The following SHROOM4 variants were observed in gnomAD, a reference collection of about 807,000 sequenced individuals.
SHROOM4 encodes the protein protein Shroom4.
In SHROOM4, 17 loss-of-function variants were observed where a neutral mutation model predicts 80.3. The observed-to-expected ratio is 0.21, with a 90% CI of 0.14 to 0.32. SHROOM4 has a LOEUF of 0.32. Ranked by LOEUF, SHROOM4 falls within the 10% of genes least tolerant of loss-of-function variation. The pLI is 1.00. For synonymous variants in SHROOM4, 400 were observed against 437.5 expected (o/e 0.91, Z 1.07); for missense variants, 993 against 1,140.3 (o/e 0.87, Z 1.86).
chrX:50,615,101 TG>T (rs1930177919), intron 5 of SHROOM4, among the ~76,000 whole-genome samples: 4 of 41,177 alleles, frequency 9.7e-5, no homozygotes, highest in African/African-American at 5.9e-4. Context: ...TCTCTTATTG[TG>T]TGTGTGTGTG....
In SHROOM4 at chrX:50,814,175, G is replaced by A. The variant is rs990313951; in HGVS notation, c.-157C>T. On this transcript the variant is annotated 5_prime_UTR_variant, in exon 1 of 9. Coordinates refer to ENST00000376020, the MANE Select transcript of SHROOM4 (RefSeq NM_020717.5). Reference sequence around the variant, plus strand: ...GGCTGGAGACGCTCAGGCAGCGAGCGAGCGCAAGGAGGAAATGACACGGAG... The same window carrying A: ...GGCTGGAGACGCTCAGGCAGCGAGCAAGCGCAAGGAGGAAATGACACGGAG... The A allele has an allele frequency of 4.3e-6, 2 of 459,943 alleles. No homozygotes were observed. Among genetic ancestry groups the A allele is most frequent in the African/African-American group, 4.9e-5 (2 of 40,857 alleles). The allele number at this position is 459,943 out of a possible 1,213,427, so 37.9% of individuals were successfully genotyped here.
Position 50,590,309 on chromosome X carries a change from C to T in SHROOM4, c.*6386G>A, listed in dbSNP as rs1346996281. ...TCACCCAGGCTGGAGTGCAGTGGCT[C>T]AATCTCTGCTCACTGCAAGCTCCGC... On this transcript the variant is annotated 3_prime_UTR_variant, in exon 9 of 9. Coordinates refer to ENST00000376020, the MANE Select transcript of SHROOM4 (RefSeq NM_020717.5). 1.8e-5 allele frequency among the ~76,000 whole-genome samples: 2 copies of T among 110,716 alleles called. No homozygotes were observed. The highest frequency in any genetic ancestry group is 3.8e-5 in the Non-Finnish European group (2 of 52,869).
At chrX:50,786,021 T>C (rs1935731991) in intron 1 of SHROOM4, among the ~76,000 whole-genome samples, 1 of 111,450 alleles carries the variant, frequency 9.0e-6, no homozygotes, top group Non-Finnish European at 1.9e-5. Context: ...AAATTCCCTT[T>C]TTGAAAAATC....
intron 1 of SHROOM4, among the ~76,000 whole-genome samples, chrX:50,708,120 A>G (rs1224383829): frequency 8.9e-6 from 1 of 112,343 alleles, no homozygotes; most frequent in Non-Finnish European, 1.9e-5. Context: ...GATTCCTGGC[A>G]TCACTTTAGC....
intron 1 of SHROOM4, among the ~76,000 whole-genome samples, chrX:50,705,440 G>A (rs1392848173): frequency 9.0e-6 from 1 of 111,488 alleles, no homozygotes; most frequent in Non-Finnish European, 1.9e-5. Flanking sequence ...CAATGTGAAC[G>A]CCATTCTCTC....
chrX:50,722,507 A>G (rs782602865), intron 1 of SHROOM4, among the ~76,000 whole-genome samples: 56 of 111,221 alleles, frequency 5.0e-4, no homozygotes, highest in Non-Finnish European at 8.9e-4. Flanking sequence ...CAAGGAAATT[A>G]AAGCATTAAA....
At chrX:50,625,916 CT>C (rs1276449442) in intron 5 of SHROOM4, among the ~76,000 whole-genome samples, 1 of 112,467 alleles carries the variant, frequency 8.9e-6, no homozygotes, top group African/African-American at 3.2e-5. Flanking sequence ...TCTGCTGCTG[CT>C]GTTCTTCTTC....
At chrX:50,693,527 C>T (rs1557262769) in intron 2 of SHROOM4, among the ~76,000 whole-genome samples, 1 of 105,357 alleles carries the variant, frequency 9.5e-6, no homozygotes, top group Non-Finnish European at 1.9e-5. Context: ...GATCATGCCA[C>T]TGCACTCCAG....
rs782020046 is a variant in SHROOM4, at chrX:50,609,274, A to G, written c.2958-1090T>C. Among the ~76,000 whole-genome samples the G allele has an allele frequency of 1.8e-4, 20 of 110,940 alleles. 1 individual carries two copies. The South Asian group carries it at 7.3e-3, about 41-fold the overall frequency. On this transcript the variant is annotated intron_variant, in intron 5 of 8. Coordinates refer to ENST00000376020, the MANE Select transcript of SHROOM4 (RefSeq NM_020717.5). ...AAGACCTTGTCTCAAAAAAAAAAAT[A>G]TCCTAATGCAATTCCAATCAGAATT...
intron 1 of SHROOM4, among the ~76,000 whole-genome samples, chrX:50,742,709 A>ACATGACTT (rs199813371): frequency 0.053 from 5,798 of 109,593 alleles, 478 homozygotes; most frequent in African/African-American, 0.19. Flanking sequence ...CACACTACCA[A>ACATGACTT]CATGACTTAT....
downstream of SHROOM4, among the ~76,000 whole-genome samples, chrX:50,583,226 G>A (rs1357326225): frequency 9.1e-6 from 1 of 110,482 alleles, no homozygotes; most frequent in Non-Finnish European, 1.9e-5. Flanking sequence ...AATGGTTTTG[G>A]TAGACTGTAT....
intron 5 of SHROOM4, among the ~76,000 whole-genome samples, chrX:50,619,717 A>T (rs895706209): frequency 9.8e-5 from 11 of 112,083 alleles, no homozygotes; most frequent in African/African-American, 3.6e-4. Context: ...AGTAATACAT[A>T]CATATGCAGT....
intron 1 of SHROOM4, among the ~76,000 whole-genome samples, chrX:50,698,542 G>C (rs1264367576): frequency 2.7e-5 from 3 of 111,276 alleles, no homozygotes; most frequent in African/African-American, 9.8e-5. Flanking sequence ...CTATATCCCA[G>C]ACTAGCCCTT....
intron 2 of SHROOM4, among the ~76,000 whole-genome samples, chrX:50,656,324 T>C (rs1340658347): frequency 8.9e-6 from 1 of 112,357 alleles, no homozygotes; most frequent in African/African-American, 3.2e-5. Context: ...AAAAAATCTT[T>C]GCCAAAGCCA....
chrX:50,714,333 A>G (rs1023369945), intron 1 of SHROOM4, among the ~76,000 whole-genome samples: 4 of 112,110 alleles, frequency 3.6e-5, no homozygotes, highest in African/African-American at 1.3e-4. Flanking sequence ...AAACTTTAGG[A>G]TTATTTTTTC....
intron 1 of SHROOM4, among the ~76,000 whole-genome samples, chrX:50,734,539 G>A (rs966307330): frequency 9.0e-6 from 1 of 110,563 alleles, no homozygotes; most frequent in Non-Finnish European, 1.9e-5. Flanking sequence ...TCAGCCTCCC[G>A]AGTAGCTGGG....
intron 1 of SHROOM4, among the ~76,000 whole-genome samples, chrX:50,697,897 G>A (rs972690081): frequency 1.3e-4 from 15 of 112,140 alleles, no homozygotes; most frequent in African/African-American, 4.9e-4. Flanking sequence ...CTTAGCACCA[G>A]TCAGAACTTT....
chrX:50,619,452 G>A (rs1930482206), intron 5 of SHROOM4, among the ~76,000 whole-genome samples: 1 of 110,152 alleles, frequency 9.1e-6, no homozygotes, highest in African/African-American at 3.3e-5. Context: ...GATACACAGG[G>A]AGGGGAGAAG....
chrX:50,772,996 A>C (rs1226393140), intron 1 of SHROOM4, among the ~76,000 whole-genome samples: 1 of 112,003 alleles, frequency 8.9e-6, no homozygotes, highest in Non-Finnish European at 1.9e-5. Context: ...GAAGACAGAA[A>C]ACAGGTTGCC....
Sources: gnomAD v4.1 joint callset for allele counts (sites outside exome capture counted in the v4.1 genomes callset) on GRCh38, gnomAD v4.1.1 for gene constraint, MANE v1.5 for transcripts, NCBI Gene and HGNC (gene_info 2026-07-23, HGNC 2026-07-21) for gene names.